Variants in PCDHGA4 observed in about 807,000 individuals in gnomAD.
The protein encoded by PCDHGA4 is protocadherin gamma subfamily A, 4.
A neutral mutation model predicts 54.6 loss-of-function variants in PCDHGA4; 38 were observed. The observed-to-expected ratio is 0.70, with a 90% CI of 0.54 to 0.91. The LOEUF is 0.91. PCDHGA4 is among the 40% of genes least tolerant of loss of function. PCDHGA4 has a pLI of 0.00. For missense variants in PCDHGA4, 1,298 were observed against 1,220.9 expected, an observed-to-expected ratio of 1.06 and a Z score of -0.94; for synonymous variants, 511 against 512.9, an observed-to-expected ratio of 1.00 and a Z score of 0.05.
At chr5:141,442,202 G>A (rs1033563159) in intron 1 of PCDHGA4, 2 of 153,258 alleles carry the variant, frequency 1.3e-5, no homozygotes, top group African/African-American at 4.8e-5. Context: ...TTTATATCTG[G>A]TGATTGCCTT....
intron 1 of PCDHGA4, chr5:141,383,889 G>A (rs1206410102): frequency 3.1e-6 from 5 of 1,613,938 alleles, no homozygotes; most frequent in Non-Finnish European, 4.2e-6. Context: ...GTCTGACAAA[G>A]GCAAAAGTAC....
intron 1 of PCDHGA4, chr5:141,359,992 TC>T: frequency 2.9e-6 from 3 of 1,042,060 alleles, no homozygotes; most frequent in Non-Finnish European, 4.0e-6. Flanking sequence ...GAGGGGAACT[TC>T]CTGCACAAAC....
chr5:141,371,438 C>T (rs1441229232), intron 1 of PCDHGA4: 3 of 1,613,764 alleles, frequency 1.9e-6, no homozygotes, highest in African/African-American at 1.3e-5. Flanking sequence ...CGGAGATAAC[C>T]CTGGCTTCTG....
chr5:141,371,319 T>C (rs776468783), intron 1 of PCDHGA4: 27 of 1,613,954 alleles, frequency 1.7e-5, no homozygotes, highest in Non-Finnish European at 2.3e-5. Context: ...AGAACTGGAC[T>C]TTGAAGAGAG....
At chr5:141,385,042 A>C (rs1308417984) in intron 1 of PCDHGA4, 1 of 1,614,150 alleles carries the variant, frequency 6.2e-7, no homozygotes, top group Non-Finnish European at 8.5e-7. Flanking sequence ...GCTGGCGCTC[A>C]GGCTGCGGCG....
intron 2 of PCDHGA4, among the ~76,000 whole-genome samples, chr5:141,501,966 C>A (rs1046026111): frequency 1.3e-5 from 2 of 152,118 alleles, no homozygotes; most frequent in African/African-American, 4.8e-5. Context: ...ATCCTCCTAA[C>A]CTCTGGCATC....
chr5:141,428,148 G>A (rs774961575), intron 1 of PCDHGA4: 6 of 1,588,024 alleles, frequency 3.8e-6, no homozygotes, highest in East Asian at 4.5e-5. Flanking sequence ...GCTGCACACG[G>A]GAACCTGCTG....
chr5:141,450,829 A>ATTT (rs373424450), intron 1 of PCDHGA4, among the ~76,000 whole-genome samples: 12,063 of 134,876 alleles, frequency 0.089, 619 homozygotes, highest in African/African-American at 0.14. Flanking sequence ...TATTATTATT[A>ATTT]TTTTTTTTTT....
intron 1 of PCDHGA4, among the ~76,000 whole-genome samples, chr5:141,442,703 C>A (rs1405830887): frequency 6.6e-6 from 1 of 152,218 alleles, no homozygotes; most frequent in Admixed American, 6.5e-5. Flanking sequence ...ACAAGAGTAT[C>A]AGACATGCCA....
chr5:141,477,978 T>A lies in PCDHGA4; in HGVS notation c.2515-16829T>A. ...TCCCCTAACCAGAGCCTTTTTGCCA[T>A]AGGGCTGCACACTGGTCAAATCAGT... is the stretch of plus-strand genomic sequence containing the variant. On this transcript the variant is annotated intron_variant, in intron 1 of 3. Transcript: ENST00000571252. The surrounding 1 kb of genome is among the most constrained non-coding windows in gnomAD (Gnocchi z 4.9). The A allele has an allele frequency of 6.2e-7, 1 of 1,614,120 alleles. No individual in the cohort carries two copies. Among genetic ancestry groups the A allele is most frequent in the Non-Finnish European group, 8.5e-7 (1 of 1,180,022 alleles).
chr5:141,408,377 C>T (rs1322642798), intron 1 of PCDHGA4: 4 of 1,613,902 alleles, frequency 2.5e-6, no homozygotes, highest in Non-Finnish European at 3.4e-6. Context: ...GCTCAGTGTC[C>T]TGGATGTGTC....
In PCDHGA4 at chr5:141,487,192, C is replaced by T. The variant is rs2099641028; in HGVS notation, c.2515-7615C>T. ...TAGAGGAAGACACTCATCCAGTTGT[C>T]CCAGATCTTCGAGAATCTTCAGCTC... On this transcript the variant is annotated intron_variant, in intron 1 of 3. Transcript: ENST00000571252. This position sits in a 1 kb window ranked among gnomAD's most constrained non-coding sequence, Gnocchi z 5.0. 15 of 1,613,748 alleles carry T rather than the reference C, an allele frequency of 9.3e-6. No individual in the cohort carries two copies. Among genetic ancestry groups the T allele is most frequent in the African/African-American group, 1.3e-5 (1 of 75,040 alleles).
rs757755103 is a variant in PCDHGA4 at position 141,432,638 on chromosome 5, C to A, written c.2515-62169C>A. On this transcript the variant is annotated intron_variant, in intron 1 of 3. Coordinates refer to ENST00000571252, the MANE Select transcript of PCDHGA4 (RefSeq NM_018917.4). The surrounding 1 kb of genome is among the most constrained non-coding windows in gnomAD (Gnocchi z 6.0). ...GGTGGGTCTGCACACGGGCGAGGTG[C>A]GCACGGCGCGAGCCCTGCTGGACAG... The A allele has an allele frequency of 6.2e-6, 10 of 1,613,810 alleles. No homozygotes were observed. Among genetic ancestry groups the A allele is most frequent in the African/African-American group, 1.3e-5 (1 of 75,064 alleles).
At chr5:141,371,426 C>T (rs1210982594) in intron 1 of PCDHGA4, 34 of 1,613,774 alleles carry the variant, frequency 2.1e-5, no homozygotes, top group Non-Finnish European at 2.7e-5. Flanking sequence ...ATGACAATGC[C>T]CCGGAGATAA....
intron 1 of PCDHGA4, among the ~76,000 whole-genome samples, chr5:141,466,246 A>G (rs1357175003): frequency 6.6e-6 from 1 of 152,100 alleles, no homozygotes; most frequent in Non-Finnish European, 1.5e-5. Flanking sequence ...TCATGGCTCA[A>G]TGCAGCCTTG....
In PCDHGA4 at chr5:141,432,469, C is replaced by A; in HGVS notation, c.2515-62338C>A. On this transcript the variant is annotated intron_variant, in intron 1 of 3. Coordinates refer to ENST00000571252, the MANE Select transcript of PCDHGA4 (RefSeq NM_018917.4). The surrounding 1 kb of genome is among the most constrained non-coding windows in gnomAD (Gnocchi z 6.0). ...TCCTGTACCCCGCCCTCCCCACGGA[C>A]GGTTCCACTGGCGTGGAGCTGGCTC... 6.2e-7 allele frequency: 1 copy of A among 1,614,218 alleles called. No individual in the cohort carries two copies.
At chr5:141,381,831 T>C (rs1313642722) in intron 1 of PCDHGA4, among the ~76,000 whole-genome samples, 7 of 136,370 alleles carry the variant, frequency 5.1e-5, no homozygotes, top group African/African-American at 2.0e-4. Context: ...TTCTTCTTTT[T>C]TTTTTTTTTT....
Position 141,431,478 on chromosome 5 carries a change from C to T in PCDHGA4, c.2515-63329C>T, listed in dbSNP as rs1163422580. On this transcript the variant is annotated intron_variant, in intron 1 of 3. Coordinates refer to ENST00000571252, the MANE Select transcript of PCDHGA4 (RefSeq NM_018917.4). The surrounding 1 kb of genome is among the most constrained non-coding windows in gnomAD (Gnocchi z 4.8). ...GTTCTGGATGCGAACGACAACGCAC[C>T]AGCGTTTGCTCAGCCCGAGTACCGC... The T allele has an allele frequency of 6.2e-7, 1 of 1,613,748 alleles. No individual in the cohort carries two copies. The highest frequency in any genetic ancestry group is 8.5e-7 in the Non-Finnish European group (1 of 1,179,976).
intron 1 of PCDHGA4, among the ~76,000 whole-genome samples, chr5:141,436,221 G>C (rs1468526543): frequency 6.6e-6 from 1 of 152,004 alleles, no homozygotes; most frequent in African/African-American, 2.4e-5. Context: ...CAAATGACTT[G>C]GGAAACTAAG....
Sources: gnomAD v4.1 joint callset for allele counts (sites outside exome capture counted in the v4.1 genomes callset) on GRCh38, gnomAD v4.1.1 for gene constraint, Gnocchi (gnomAD v3.1) non-coding constraint, MANE v1.5 for transcripts, NCBI Gene and HGNC (gene_info 2026-07-23, HGNC 2026-07-21) for gene names.